NPSR1: variants seen among roughly 807,000 people sequenced by gnomAD.
The protein encoded by NPSR1 is neuropeptide S receptor 1.
NPSR1 carries 48 observed loss-of-function variants against 46.9 expected under a neutral mutation model. That is an observed-to-expected ratio of 1.02 (90% CI 0.81 to 1.30). The LOEUF (loss-of-function observed/expected upper bound fraction) is 1.30, where lower values mean the gene tolerates loss of function less well. Among genes scored for constraint, NPSR1 ranks in the 50% most tolerant of loss-of-function variants. NPSR1 has a pLI of 0.00. For synonymous variants in NPSR1, 176 were observed against 168.1 expected, an observed-to-expected ratio of 1.05 and a Z score of -0.36; for missense variants, 450 against 449.5, an observed-to-expected ratio of 1.00 and a Z score of -0.01.
intron 8 of NPSR1, among the ~76,000 whole-genome samples, chr7:34,864,868 T>C (rs947550783): frequency 2.0e-5 from 3 of 151,910 alleles, no homozygotes; most frequent in African/African-American, 7.3e-5. Flanking sequence ...AAACAGCTAC[T>C]GTTCACCCAT....
chr7:34,816,139 A>C (rs1789241426), intron 4 of NPSR1, among the ~76,000 whole-genome samples: 1 of 150,430 alleles, frequency 6.6e-6, no homozygotes, highest in Non-Finnish European at 1.5e-5. Flanking sequence ...ATAAAGAGTC[A>C]GGACCCATCA....
chr7:34,878,095 C>T (rs1174470726), exon 9 of NPSR1: 2 of 1,609,044 alleles, frequency 1.2e-6, no homozygotes, highest in Admixed American at 1.7e-5. Flanking sequence ...TCTCCGTCAG[C>T]TCCAGGAGGC....
chr7:34,750,818 C>G (rs935383892), intron 2 of NPSR1: 1 of 691,762 alleles, frequency 1.4e-6, no homozygotes, highest in Admixed American at 1.8e-5. Flanking sequence ...TGTGTGGAAC[C>G]GCTGACACAG....
At chr7:34,696,078 T>TAA (rs34574984) in intron 2 of NPSR1, among the ~76,000 whole-genome samples, 12,929 of 113,712 alleles carry the variant, frequency 0.11, 681 homozygotes, top group African/African-American at 0.15. Context: ...GTTGATTTGA[T>TAA]AAAAAAAAAA....
intron 2 of NPSR1, among the ~76,000 whole-genome samples, chr7:34,685,398 G>A (rs775558083): frequency 2.0e-5 from 3 of 152,088 alleles, no homozygotes; most frequent in Non-Finnish European, 4.4e-5. Context: ...AAGAAAGTGA[G>A]AAAATGAGAT....
chr7:34,824,505 C>G (rs1049551872), intron 4 of NPSR1, among the ~76,000 whole-genome samples: 2 of 152,226 alleles, frequency 1.3e-5, no homozygotes, highest in African/African-American at 4.8e-5. Flanking sequence ...GCTGTGGCAG[C>G]TGCGTCACAG....
At chr7:34,816,243 C>CA (rs1043515357) in intron 4 of NPSR1, among the ~76,000 whole-genome samples, 7 of 119,804 alleles carry the variant, frequency 5.8e-5, no homozygotes, top group African/African-American at 9.8e-5. Flanking sequence ...AAATGGAAAG[C>CA]AAAAAAAAGC....
chr7:34,738,638 G>T (rs1025228811), intron 2 of NPSR1, among the ~76,000 whole-genome samples: 17 of 151,500 alleles, frequency 1.1e-4, no homozygotes, highest in African/African-American at 4.1e-4. Context: ...ATTATATTTG[G>T]GGTTTTTATT....
chr7:34,784,482 A>G (rs1787370822), intron 3 of NPSR1, among the ~76,000 whole-genome samples: 1 of 152,076 alleles, frequency 6.6e-6, no homozygotes, highest in African/African-American at 2.4e-5. Context: ...ATGCTGGATT[A>G]CATTTATTGA....
chr7:34,823,612 AC>A (rs1789678223), intron 4 of NPSR1, among the ~76,000 whole-genome samples: 1 of 152,104 alleles, frequency 6.6e-6, no homozygotes. Flanking sequence ...AATAGTAGGC[AC>A]TTTTGAGGGA....
At chr7:34,842,169 C>G (rs1790587316) in intron 6 of NPSR1, among the ~76,000 whole-genome samples, 1 of 152,202 alleles carries the variant, frequency 6.6e-6, no homozygotes, top group South Asian at 2.1e-4. Flanking sequence ...CAAAGTAACT[C>G]TGTGAGTTAG....
chr7:34,742,417 G>C (rs1393961088), intron 2 of NPSR1, among the ~76,000 whole-genome samples: 1 of 152,080 alleles, frequency 6.6e-6, no homozygotes, highest in African/African-American at 2.4e-5. Context: ...GGAACATGCG[G>C]TATTTCGTTT....
intron 2 of NPSR1, among the ~76,000 whole-genome samples, chr7:34,698,025 G>A (rs1223889997): frequency 6.6e-6 from 1 of 151,722 alleles, no homozygotes; most frequent in Non-Finnish European, 1.5e-5. Flanking sequence ...GGAAAAGGAT[G>A]GTAAAGTAAA....
intron 2 of NPSR1, among the ~76,000 whole-genome samples, chr7:34,720,141 G>A (rs902899479): frequency 2.6e-5 from 4 of 151,978 alleles, no homozygotes; most frequent in Non-Finnish European, 4.4e-5. Context: ...TTAGCCAGGT[G>A]TAGTGGTGCA....
chr7:34,761,549 G>GA (rs1309345914), intron 2 of NPSR1, among the ~76,000 whole-genome samples: 1 of 152,098 alleles, frequency 6.6e-6, no homozygotes, highest in Non-Finnish European at 1.5e-5. Flanking sequence ...AATGAGATGA[G>GA]AAACAAATAT....
At chr7:34,725,670 T>C (rs1784108377) in intron 2 of NPSR1, among the ~76,000 whole-genome samples, 1 of 152,162 alleles carries the variant, frequency 6.6e-6, no homozygotes, top group South Asian at 2.1e-4. Context: ...TTTCACCAGA[T>C]TGTTAGTAAA....
chr7:34,778,643 TA>T, intron 3 of NPSR1, 78 bp downstream of exon 3: 2 of 937,890 alleles, frequency 2.1e-6, no homozygotes, highest in South Asian at 1.5e-5. Context: ...GAAAATCATA[TA>T]AAACCTTGCA....
rs145740336 is a variant in NPSR1, at chr7:34,865,803, C to G, written c.1026-12273C>G. ...GGAGAAACAGCCCTTCTTGACCTCT[C>G]TCCCCACCTGCTCCAGATTCCAGAG... On this transcript the variant is annotated intron_variant, in intron 8 of 8. Coordinates refer to the NPSR1 transcript ENST00000359791. 1.0e-3 allele frequency among the ~76,000 whole-genome samples: 158 copies of G among 151,814 alleles called. 8 individuals are homozygous for G. Among genetic ancestry groups the G allele is most frequent in the African/African-American group, 3.7e-3 (151 of 41,110 alleles).
chr7:34,833,177 T>C (rs1790198087), intron 5 of NPSR1, among the ~76,000 whole-genome samples: 1 of 152,240 alleles, frequency 6.6e-6, no homozygotes, highest in African/African-American at 2.4e-5. Context: ...AGCTCTGATT[T>C]TTTAAAATAA....
Sources: allele counts gnomAD v4.1 joint callset (sites outside exome capture counted in the v4.1 genomes callset), GRCh38; gene constraint gnomAD v4.1.1; transcripts MANE v1.5; gene names NCBI Gene and HGNC (gene_info 2026-07-23, HGNC 2026-07-21).